Variants in SPMIP2 observed in about 807,000 individuals in gnomAD.
The protein encoded by SPMIP2 is protein SPMIP2.
chr4:158,970,310 G>T, the SPMIP2 span, among the ~76,000 whole-genome samples: 1 of 152,216 alleles, frequency 6.6e-6, no homozygotes, highest in Non-Finnish European at 1.5e-5. Flanking sequence ...GGAGGCCGAG[G>T]TGGGAGGATC....
chr4:158,896,810 A>T, the SPMIP2 span, among the ~76,000 whole-genome samples: 2 of 141,630 alleles, frequency 1.4e-5, no homozygotes, highest in African/African-American at 2.6e-5. Flanking sequence ...ATATCTCTCT[A>T]CCAGCCTCAT....
the SPMIP2 span, among the ~76,000 whole-genome samples, chr4:159,021,296 T>C: frequency 5.5e-3 from 845 of 152,316 alleles, 5 homozygotes; most frequent in Non-Finnish European, 9.6e-3. Context: ...TAATGGCCAA[T>C]TGGAGAAAGC....
the SPMIP2 span, among the ~76,000 whole-genome samples, chr4:158,978,695 C>G: frequency 1.3e-4 from 20 of 152,212 alleles, no homozygotes; most frequent in African/African-American, 4.1e-4. Flanking sequence ...TTTTTTGATC[C>G]TTGTTGGTTT....
At chr4:158,955,163 C>A in the SPMIP2 span, among the ~76,000 whole-genome samples, 2 of 152,114 alleles carry the variant, frequency 1.3e-5, no homozygotes, top group Non-Finnish European at 2.9e-5. Flanking sequence ...CACACACTCA[C>A]ACAACAAAAA....
At chr4:158,961,894 T>C in the SPMIP2 span, among the ~76,000 whole-genome samples, 4 of 152,130 alleles carry the variant, frequency 2.6e-5, no homozygotes, top group African/African-American at 4.8e-5. Context: ...AAATTATTTT[T>C]TTTTTACTGG....
the SPMIP2 span, among the ~76,000 whole-genome samples, chr4:159,059,224 T>TC: frequency 2.6e-5 from 4 of 152,022 alleles, no homozygotes; most frequent in Admixed American, 2.0e-4. Flanking sequence ...TATACGAGGC[T>TC]GGGGGTTGAA....
At chr4:159,025,190 A>T in the SPMIP2 span, among the ~76,000 whole-genome samples, 1 of 152,188 alleles carries the variant, frequency 6.6e-6, no homozygotes, top group Non-Finnish European at 1.5e-5. Flanking sequence ...AGCCCACCCC[A>T]GTCTTGCTCT....
chr4:158,914,255 G>A, the SPMIP2 span, among the ~76,000 whole-genome samples: 1 of 152,170 alleles, frequency 6.6e-6, no homozygotes, highest in Non-Finnish European at 1.5e-5. Context: ...TGAAATGTTA[G>A]ATGTCGAACT....
At chr4:159,028,042 T>C in the SPMIP2 span, among the ~76,000 whole-genome samples, 3 of 152,120 alleles carry the variant, frequency 2.0e-5, no homozygotes, top group Admixed American at 6.5e-5. Context: ...TTTTATTTAG[T>C]CAGTAATCTG....
the SPMIP2 span, among the ~76,000 whole-genome samples, chr4:158,950,753 G>A: frequency 4.6e-5 from 7 of 152,198 alleles, no homozygotes; most frequent in African/African-American, 1.2e-4. Flanking sequence ...AAAATTAGCC[G>A]GTCGTGGTGG....
At chr4:158,949,628 C>G in the SPMIP2 span, among the ~76,000 whole-genome samples, 2 of 152,114 alleles carry the variant, frequency 1.3e-5, no homozygotes, top group Non-Finnish European at 2.9e-5. Flanking sequence ...CTTTTTATTC[C>G]TGCTCACATA....
chr4:158,906,263 C>T, the SPMIP2 span: 1 of 152,312 alleles, frequency 6.6e-6, no homozygotes, highest in African/African-American at 2.4e-5. Context: ...CACCCCACAT[C>T]CGTTTCTCAT....
chr4:159,074,288 T>C, the SPMIP2 span, among the ~76,000 whole-genome samples: 1 of 152,180 alleles, frequency 6.6e-6, no homozygotes, highest in African/African-American at 2.4e-5. Context: ...TATGCTCATA[T>C]AGCAGTGAAG....
At chr4:159,062,233 T>C in the SPMIP2 span, among the ~76,000 whole-genome samples, 5 of 152,348 alleles carry the variant, frequency 3.3e-5, no homozygotes, top group Admixed American at 3.3e-4. Flanking sequence ...TACCTCTTGA[T>C]TGTTCCCTGG....
chr4:158,914,822 T>C, the SPMIP2 span, among the ~76,000 whole-genome samples: 124 of 152,296 alleles, frequency 8.1e-4, no homozygotes, highest in African/African-American at 2.7e-3. Context: ...TGCTAACCAG[T>C]TTGTGAGGTT....
At chr4:159,076,799 C>T in the SPMIP2 span, among the ~76,000 whole-genome samples, 1 of 151,832 alleles carries the variant, frequency 6.6e-6, no homozygotes, top group Non-Finnish European at 1.5e-5. Context: ...TCCAGAGTCG[C>T]TGGGATTACA....
the SPMIP2 span, among the ~76,000 whole-genome samples, chr4:158,987,411 A>C: frequency 6.6e-6 from 1 of 152,186 alleles, no homozygotes; most frequent in Admixed American, 6.5e-5. Context: ...GACTGGATTA[A>C]GAATATGTGG....
At chr4:159,052,988 G>A in the SPMIP2 span, among the ~76,000 whole-genome samples, 1 of 120,976 alleles carries the variant, frequency 8.3e-6, no homozygotes, top group Non-Finnish European at 1.7e-5. Context: ...ACGGAGTCTC[G>A]CTCTGTCGCC....
the SPMIP2 span, among the ~76,000 whole-genome samples, chr4:158,913,311 G>C: frequency 7.2e-5 from 11 of 152,260 alleles, no homozygotes; most frequent in East Asian, 1.4e-3. Flanking sequence ...CAGACTTGCA[G>C]ACCTGTGATC....
Sources: gnomAD v4.1 joint callset for allele counts (sites outside exome capture counted in the v4.1 genomes callset) on GRCh38, gnomAD v4.1.1 for gene constraint, MANE v1.5 for transcripts, NCBI Gene and HGNC (gene_info 2026-07-23, HGNC 2026-07-21) for gene names.